Variants in PALLD observed in about 807,000 individuals in gnomAD.
PALLD encodes the protein palladin.
In PALLD, 61 loss-of-function variants were observed where a neutral mutation model predicts 123.5. The observed-to-expected ratio is 0.49, with a 90% CI of 0.40 to 0.61. The LOEUF is 0.61. PALLD is among the 20% of genes least tolerant of loss of function. The pLI is 0.00. For synonymous variants in PALLD, 465 were observed against 496.4 expected, an observed-to-expected ratio of 0.94 and a Z score of 0.84; for missense variants, 1,273 against 1,377.0, an observed-to-expected ratio of 0.92 and a Z score of 1.20.
At chr4:168,704,537 G>A (rs1287958475) in intron 8 of PALLD, among the ~76,000 whole-genome samples, 1 of 151,808 alleles carries the variant, frequency 6.6e-6, no homozygotes, top group South Asian at 2.1e-4. Context: ...CCGGGCGGGC[G>A]CCTGTAGTCC....
chr4:168,564,612 T>C (rs1768184021), intron 2 of PALLD, among the ~76,000 whole-genome samples: 1 of 152,204 alleles, frequency 6.6e-6, no homozygotes, highest in Non-Finnish European at 1.5e-5. Context: ...CTGAGACTAA[T>C]GACAGAAATC....
intron 10 of PALLD, among the ~76,000 whole-genome samples, chr4:168,772,345 A>G (rs761054115): frequency 1.3e-5 from 2 of 152,146 alleles, no homozygotes; most frequent in Non-Finnish European, 2.9e-5. Flanking sequence ...TGTTCATGTT[A>G]TCTCTGCTCT....
intron 2 of PALLD, among the ~76,000 whole-genome samples, chr4:168,522,338 T>C (rs1233653025): frequency 6.6e-6 from 1 of 152,240 alleles, no homozygotes. Flanking sequence ...TACTAAGTAT[T>C]ATACCATGCT....
intron 10 of PALLD, among the ~76,000 whole-genome samples, chr4:168,830,231 C>CAA (rs1156711141): frequency 0.011 from 808 of 72,910 alleles, 25 homozygotes; most frequent in African/African-American, 0.036. Context: ...GACTTTGTCT[C>CAA]AAAAAAAAAA....
intron 2 of PALLD, among the ~76,000 whole-genome samples, chr4:168,617,818 G>C (rs1236580180): frequency 6.6e-6 from 1 of 152,192 alleles, no homozygotes; most frequent in Non-Finnish European, 1.5e-5. Flanking sequence ...TATTATGATG[G>C]TTATTTTTGA....
intron 8 of PALLD, among the ~76,000 whole-genome samples, chr4:168,701,855 A>G (rs1783704783): frequency 6.6e-6 from 1 of 152,172 alleles, no homozygotes. Context: ...GAAAGCTGAG[A>G]AGCCTTCACC....
At chr4:168,760,109 C>G (rs1157307104) in intron 10 of PALLD, among the ~76,000 whole-genome samples, 2 of 152,146 alleles carry the variant, frequency 1.3e-5, no homozygotes, top group African/African-American at 2.4e-5. Flanking sequence ...CTCTCCCTCC[C>G]TGGCGTTTCC....
At chr4:168,856,778 G>A (rs1033234675) in intron 10 of PALLD, among the ~76,000 whole-genome samples, 6 of 152,220 alleles carry the variant, frequency 3.9e-5, no homozygotes, top group African/African-American at 9.6e-5. Flanking sequence ...AGCCTACATG[G>A]CTAAGAAGTA....
chr4:168,806,993 A>G (rs1740304788), intron 10 of PALLD, among the ~76,000 whole-genome samples: 1 of 152,130 alleles, frequency 6.6e-6, no homozygotes, highest in Non-Finnish European at 1.5e-5. Flanking sequence ...ACGTGCCCGG[A>G]GCTGTGCTGG....
chr4:168,891,029 A>G lies in PALLD; in HGVS notation c.2072A>G (p.Lys691Arg), dbSNP rs144380526. Reference protein sequence around the residue: ...IQDLERKLRFKEDLLNNGQPR... With the variant: ...IQDLERKLRFREDLLNNGQPR... ...GACCTGGAACGAAAACTTCGCTTCA[A>G]GGAGGACCTCCTGAACAATGGCCAG... The change falls in exon 11 of 22, where the codon AAG becomes AGG. Residue 691 changes from lysine to arginine, a missense_variant. Coordinates refer to ENST00000505667, the MANE Select transcript of PALLD (RefSeq NM_001166108.2). The G allele has an allele frequency of 8.7e-6, 14 of 1,614,078 alleles. No homozygotes were observed. In the African/African-American group the frequency reaches 1.7e-4, roughly 20 times the overall value.
chr4:168,660,187 T>C (rs972966058), intron 2 of PALLD, among the ~76,000 whole-genome samples: 4 of 151,956 alleles, frequency 2.6e-5, no homozygotes, highest in African/African-American at 9.7e-5. Flanking sequence ...GTCAGGGAGG[T>C]GAATTTTTAA....
chr4:168,588,969 T>A (rs1771125466), intron 2 of PALLD, among the ~76,000 whole-genome samples: 1 of 152,212 alleles, frequency 6.6e-6, no homozygotes, highest in Admixed American at 6.5e-5. Flanking sequence ...ATCTGTTCCT[T>A]GACAGTGAGT....
intron 3 of PALLD, 42 bp downstream of exon 3, chr4:168,668,410 A>G (rs554635111): frequency 3.7e-5 from 55 of 1,491,714 alleles, no homozygotes; most frequent in African/African-American, 1.5e-4. Context: ...AGGGGTGTCA[A>G]TGGTCTAATG....
intron 10 of PALLD, among the ~76,000 whole-genome samples, chr4:168,809,359 C>G (rs1740724467): frequency 6.7e-6 from 1 of 150,372 alleles, no homozygotes; most frequent in Admixed American, 6.6e-5. Context: ...TTTGGAGAGA[C>G]AGGGTCTCAC....
intron 2 of PALLD, among the ~76,000 whole-genome samples, chr4:168,607,536 C>T (rs527595170): frequency 6.6e-6 from 1 of 152,232 alleles, no homozygotes; most frequent in East Asian, 1.9e-4. Flanking sequence ...ATACTTATAA[C>T]AGATAATATT....
At chr4:168,783,371 T>C (rs1046001677) in intron 10 of PALLD, among the ~76,000 whole-genome samples, 6 of 152,042 alleles carry the variant, frequency 3.9e-5, no homozygotes, top group Non-Finnish European at 7.4e-5. Context: ...GAGAGACCCA[T>C]GTGCACTGGG....
intron 2 of PALLD, among the ~76,000 whole-genome samples, chr4:168,552,643 G>GT (rs1766853659): frequency 1.3e-5 from 2 of 151,934 alleles, no homozygotes; most frequent in South Asian, 2.1e-4. Context: ...TAATATGTGG[G>GT]TTTTTTGGGG....
At chr4:168,702,421 G>A (rs181859126) in intron 8 of PALLD, among the ~76,000 whole-genome samples, 92 of 152,234 alleles carry the variant, frequency 6.0e-4, no homozygotes, top group Admixed American at 1.6e-3. Context: ...GGGCATGGTG[G>A]TGTGCACCTG....
intron 10 of PALLD, among the ~76,000 whole-genome samples, chr4:168,732,636 C>G (rs1224829768): frequency 6.6e-6 from 1 of 151,870 alleles, no homozygotes; most frequent in African/African-American, 2.4e-5. Flanking sequence ...TAAGGATGTT[C>G]CAAAGGTAAA....
Sources: allele counts gnomAD v4.1 joint callset (sites outside exome capture counted in the v4.1 genomes callset), GRCh38; gene constraint gnomAD v4.1.1; transcripts MANE v1.5; gene names NCBI Gene and HGNC (gene_info 2026-07-23, HGNC 2026-07-21).